Variants in SAFB2 observed in about 807,000 individuals in gnomAD.
The protein encoded by SAFB2 is scaffold attachment factor B2.
In SAFB2, 32 loss-of-function variants were observed where a neutral mutation model predicts 100.6. The observed-to-expected ratio is 0.32, with a 90% CI of 0.24 to 0.43. The LOEUF (loss-of-function observed/expected upper bound fraction) is 0.43, where lower values mean the gene tolerates loss of function less well. SAFB2 is among the 20% of genes least tolerant of loss of function. The pLI is 1.00. For synonymous variants in SAFB2, 500 were observed against 439.4 expected (o/e 1.14, Z -1.72); for missense variants, 1,185 against 1,163.4 (o/e 1.02, Z -0.27).
chr19:5,606,175 G>A (rs4807796), intron 9 of SAFB2, among the ~76,000 whole-genome samples: 2,206 of 152,352 alleles, frequency 0.014, 32 homozygotes, highest in Admixed American at 0.019. Context: ...CTGCCCAGTG[G>A]TGAGACAAAA....
chr19:5,612,580 G>A lies in SAFB2; in HGVS notation c.607-13C>T, dbSNP rs562700107. 2.2e-5 allele frequency: 36 copies of A among 1,611,018 alleles called. No individual in the cohort carries two copies. The African/African-American group carries it at 4.3e-4, about 19-fold the overall frequency. ...ATTCTTCAATGTCCTATTTAAAAAA[G>A]AAAAAGCAAATCCACAAGTCACTTT... On this transcript the variant is annotated splice_polypyrimidine_tract_variant and intron_variant, in intron 5 of 20. Coordinates refer to ENST00000252542, the MANE Select transcript of SAFB2 (RefSeq NM_014649.3).
intron 13 of SAFB2, 134 bp downstream of exon 13, chr19:5,598,659 C>T: frequency 2.8e-6 from 2 of 723,142 alleles, no homozygotes; most frequent in South Asian, 1.7e-5. Context: ...TATCCGCAAT[C>T]TACACAATTA....
intron 11 of SAFB2, among the ~76,000 whole-genome samples, chr19:5,603,879 T>TA (rs2052716324): frequency 6.6e-6 from 1 of 152,248 alleles, no homozygotes; most frequent in African/African-American, 2.4e-5. Context: ...TTTGAAAAAC[T>TA]GGGTGTATGA....
chr19:5,605,216 C>T (rs1450707108), intron 9 of SAFB2, among the ~76,000 whole-genome samples: 3 of 151,870 alleles, frequency 2.0e-5, no homozygotes, highest in Non-Finnish European at 4.4e-5. Context: ...GCAATTCTCC[C>T]GCCTCAGCCT....
chr19:5,612,120 C>CT, intron 6 of SAFB2: 1 of 323,842 alleles, frequency 3.1e-6, no homozygotes, highest in South Asian at 3.2e-5. Context: ...CGGAGAAACT[C>CT]TGTTTCCTCT....
chr19:5,595,552 A>G, intron 13 of SAFB2, 55 bp from the exon 14 acceptor site: 3 of 1,598,416 alleles, frequency 1.9e-6, no homozygotes, highest in Non-Finnish European at 8.5e-7. Flanking sequence ...ACAAACAAAC[A>G]ATGGAGATTA....
intron 11 of SAFB2, among the ~76,000 whole-genome samples, chr19:5,600,674 C>T (rs531608889): frequency 2.6e-5 from 4 of 152,282 alleles, no homozygotes; most frequent in African/African-American, 9.6e-5. Context: ...AATACAGCCT[C>T]AACGGGATGG....
chr19:5,603,326 A>G (rs941420252), intron 11 of SAFB2, among the ~76,000 whole-genome samples: 3 of 152,206 alleles, frequency 2.0e-5, no homozygotes, highest in Admixed American at 1.3e-4. Context: ...GCCATGATGT[A>G]AATTGGTAAT....
At chr19:5,615,364 C>CA (rs1409806006) in intron 4 of SAFB2, among the ~76,000 whole-genome samples, 3 of 151,058 alleles carry the variant, frequency 2.0e-5, no homozygotes, top group Non-Finnish European at 4.4e-5. Flanking sequence ...CAAAAACAAA[C>CA]AAACAAACAA....
At chr19:5,592,517 A>G (rs2052431970) in intron 16 of SAFB2, among the ~76,000 whole-genome samples, 1 of 152,152 alleles carries the variant, frequency 6.6e-6, no homozygotes, top group South Asian at 2.1e-4. Context: ...CCACCTATGA[A>G]AAGAGTCGGT....
chr19:5,602,496 A>AT (rs2052683022), intron 11 of SAFB2, among the ~76,000 whole-genome samples: 3 of 150,992 alleles, frequency 2.0e-5, no homozygotes, highest in African/African-American at 7.3e-5. Flanking sequence ...AAAAAAAAAA[A>AT]AAAAAAAAAA....
intron 17 of SAFB2, 174 bp downstream of exon 17, chr19:5,591,574 G>A (rs1217455534): frequency 1.0e-5 from 6 of 599,286 alleles, no homozygotes; most frequent in Non-Finnish European, 1.2e-5. Flanking sequence ...CACCACGTCC[G>A]ACTAAATATT....
rs2053026377 is a variant in SAFB2 at position 5,616,182 on chromosome 19, A to T, written c.493T>A (p.Tyr165Asn). Residue 165 changes from tyrosine (Y) to asparagine (N), a missense_variant, in exon 4 of 21, where the codon TAC (tyrosine) becomes AAC (asparagine). Coordinates refer to ENST00000252542, the MANE Select transcript of SAFB2 (RefSeq NM_014649.3). ...LLDSFCDSKEYVAAQLRQLPA... is the reference protein window; with the variant it reads ...LLDSFCDSKENVAAQLRQLPA... ...AGCTGTCTCAGCTGTGCAGCCACGTATTCTTTACTATCACAAAAGGAATCG... is the reference window on the plus strand; with the variant it reads ...AGCTGTCTCAGCTGTGCAGCCACGTTTTCTTTACTATCACAAAAGGAATCG... The T allele has an allele frequency of 6.2e-7, 1 of 1,614,202 alleles. No homozygotes were observed. Among genetic ancestry groups the T allele is most frequent in the South Asian group, 1.1e-5 (1 of 91,090 alleles).
At chr19:5,593,305 G>T (rs561705758) in intron 15 of SAFB2, among the ~76,000 whole-genome samples, 3 of 152,332 alleles carry the variant, frequency 2.0e-5, no homozygotes, top group Non-Finnish European at 4.4e-5. Flanking sequence ...AGAATTAGAT[G>T]GGGTGATAGT....
rs1036036359 is a variant in SAFB2, at chr19:5,605,357, G to A, written c.1297-421C>T. ...TGACCTCAAGTGATCTACCCAAGTC[G>A]GCCTCCCAAAGTGCTGGGATTACAG... On this transcript the variant is annotated intron_variant, in intron 9 of 20. Transcript: ENST00000252542. Among the ~76,000 whole-genome samples the A allele has an allele frequency of 4.6e-5, 7 of 152,104 alleles. 1 individual carries two copies. The highest frequency in any genetic ancestry group is 3.9e-4 in the East Asian group (2 of 5,180).
At chr19:5,609,881 T>C in intron 9 of SAFB2, 114 bp downstream of exon 9, 1 of 877,826 alleles carries the variant, frequency 1.1e-6, no homozygotes, top group Non-Finnish European at 1.8e-6. Context: ...CAAGCAATCC[T>C]CCTGCCTCAG....
intron 7 of SAFB2, 31 bp from the exon 8 acceptor site, chr19:5,610,719 G>C: frequency 7.0e-7 from 1 of 1,421,332 alleles, no homozygotes; most frequent in Non-Finnish European, 9.7e-7. Context: ...TACTCATACA[G>C]GAAAAAAACG....
intron 12 of SAFB2, among the ~76,000 whole-genome samples, chr19:5,599,792 T>A (rs1315890258): frequency 1.3e-5 from 2 of 152,092 alleles, no homozygotes; most frequent in Admixed American, 6.6e-5. Context: ...ACTGCACACC[T>A]GCAAAATAGC....
rs369976754 is a variant in SAFB2 at position 5,591,734 on chromosome 19, G to A, written c.2394+14C>T. 1.4e-5 allele frequency: 22 copies of A among 1,612,828 alleles called. No individual in the cohort carries two copies. Among genetic ancestry groups the A allele is most frequent in the African/African-American group, 6.7e-5 (5 of 74,820 alleles). On this transcript the variant is annotated intron_variant, in intron 17 of 20. Transcript: ENST00000252542. ...TACAGTGGCCCCAGGGCTTGGCATCGGGGCTCTACTCACCTGCCCATCCCG... is the reference window on the plus strand; with the variant it reads ...TACAGTGGCCCCAGGGCTTGGCATCAGGGCTCTACTCACCTGCCCATCCCG...
Sources: allele counts gnomAD v4.1 joint callset (sites outside exome capture counted in the v4.1 genomes callset), GRCh38; gene constraint gnomAD v4.1.1; transcripts MANE v1.5; gene names NCBI Gene and HGNC (gene_info 2026-07-23, HGNC 2026-07-21).